P4HB: variants seen among roughly 807,000 people sequenced by gnomAD.
The protein encoded by P4HB is prolyl 4-hydroxylase subunit beta.
A neutral mutation model predicts 52.6 loss-of-function variants in P4HB; 20 were observed. That is an observed-to-expected ratio of 0.38 (90% CI 0.27 to 0.55). P4HB has a LOEUF of 0.55. P4HB is among the 20% of genes least tolerant of loss of function. P4HB has a pLI of 0.74. For synonymous variants in P4HB, 296 were observed against 277.9 expected (o/e 1.07, Z -0.65); for missense variants, 601 against 669.2 (o/e 0.90, Z 1.12).
rs200788317 is a variant in P4HB at position 81,846,621 on chromosome 17, G to A, written c.864C>T (p.Phe288=). ...AAESFKGKIL[F]IFIDSDHTDN... Reference sequence around the variant, plus strand: ...CGGTGTGGTCGCTGTCGATGAAGATGAACAGGATCTGGGGGAGAAAAGGAG... The same window carrying A: ...CGGTGTGGTCGCTGTCGATGAAGATAAACAGGATCTGGGGGAGAAAAGGAG... Residue 288 remains phenylalanine (F), a synonymous_variant, in exon 7 of 11, where the codon TTC becomes TTT. Coordinates refer to ENST00000331483, the MANE Select transcript of P4HB (RefSeq NM_000918.4). The surrounding 1 kb of genome is among the most constrained non-coding windows in gnomAD (Gnocchi z 5.7). The A allele has an allele frequency of 1.2e-4, 201 of 1,613,658 alleles. No individual in the cohort carries two copies. Among genetic ancestry groups the A allele is most frequent in the Non-Finnish European group, 2.5e-5 (29 of 1,180,002 alleles).
intron 4 of P4HB, among the ~76,000 whole-genome samples, chr17:81,851,724 CAGG>C (rs780293465): frequency 3.9e-5 from 6 of 152,346 alleles, no homozygotes; most frequent in East Asian, 3.9e-4. Context: ...GCCAAGAAGC[CAGG>C]AGGAGACACT....
intron 4 of P4HB, among the ~76,000 whole-genome samples, chr17:81,850,269 AT>A (rs1457118731): frequency 6.6e-6 from 1 of 151,596 alleles, no homozygotes. Flanking sequence ...AGTAGCTGGG[AT>A]TACAGGTACG....
At chr17:81,847,551 G>A (rs917172261) in intron 4 of P4HB, 17 of 592,758 alleles carry the variant, frequency 2.9e-5, no homozygotes, top group Middle Eastern at 4.4e-4. Context: ...ATGGCTGCCC[G>A]TGAATTCAAC....
chr17:81,850,812 TAG>T (rs2038818823), intron 4 of P4HB, among the ~76,000 whole-genome samples: 1 of 152,084 alleles, frequency 6.6e-6, no homozygotes, highest in South Asian at 2.1e-4. Flanking sequence ...TTACTTTTTG[TAG>T]AGACAGTCTT....
chr17:81,846,225 A>AG lies in P4HB; in HGVS notation c.1056+203_1056+204insC. 1.4e-6 allele frequency: 1 copy of AG among 722,564 alleles called. No individual in the cohort carries two copies. The highest frequency in any genetic ancestry group is 2.7e-5 in the East Asian group (1 of 37,010). 44.8% of individuals were successfully genotyped at this position (722,564 alleles called of 1,614,324 possible). Reference sequence around the variant, plus strand: ...CGGCCAGGAGGTTTCCCTGAGGAGCATCTGGGCCAGCCGTGTGGACAAGAG... The same window carrying AG: ...CGGCCAGGAGGTTTCCCTGAGGAGCAGTCTGGGCCAGCCGTGTGGACAAGAG... On this transcript the variant is annotated intron_variant, in intron 7 of 10. Coordinates refer to ENST00000331483, the MANE Select transcript of P4HB (RefSeq NM_000918.4). The surrounding 1 kb of genome is among the most constrained non-coding windows in gnomAD (Gnocchi z 5.7).
rs1478727523 is a variant in P4HB, at chr17:81,845,492, C to T, written c.1359+69G>A. 2.8e-6 allele frequency: 4 copies of T among 1,446,330 alleles called. No homozygotes were observed. In the South Asian group the frequency reaches 5.4e-5, roughly 20 times the overall value. 89.6% of individuals were successfully genotyped at this position (1,446,330 alleles called of 1,614,324 possible). ...GCCCCAGGCTCCTTCCAGAGAGGCA[C>T]CCAGGCTGGCGTGGGGACCACTGCT... On this transcript the variant is annotated intron_variant, in intron 9 of 10. Transcript: ENST00000331483.
In P4HB at chr17:81,845,565, C is replaced by T. The variant is rs138319633; in HGVS notation, c.1355G>A (p.Arg452Lys). 18 of 1,598,736 alleles carry T rather than the reference C, an allele frequency of 1.1e-5. No individual in the cohort carries two copies. The Admixed American group carries it at 3.0e-4, about 27-fold the overall frequency. The change falls in exon 9 of 11, where the codon AGG becomes AAG. Residue 452 changes from arginine (R) to lysine (K), a missense_variant. Coordinates refer to ENST00000331483, the MANE Select transcript of P4HB (RefSeq NM_000918.4). ...TLKFFPASADRTVIDYNGERT... is the reference protein window; with the variant it reads ...TLKFFPASADKTVIDYNGERT... ...CCGTCTGGAGGGAAGGCGCACCGTC[C>T]TGTCGGCACTGGCAGGAAAGAACTT...
Position 81,847,089 on chromosome 17 carries a change from A to C in P4HB, c.730-17T>G, listed in dbSNP as rs989329690. 4 of 1,613,806 alleles carry C rather than the reference A, an allele frequency of 2.5e-6. No homozygotes were observed. The highest frequency in any genetic ancestry group is 2.7e-5 in the African/African-American group (2 of 74,948). On this transcript the variant is annotated splice_polypyrimidine_tract_variant and intron_variant, in intron 5 of 10. Coordinates refer to ENST00000331483, the MANE Select transcript of P4HB (RefSeq NM_000918.4). ...CGGGGCTGTCTGTGTTATAAACTTA[A>C]GTTACTGGGTCTGAGTCACACACTA...
intron 2 of P4HB, among the ~76,000 whole-genome samples, chr17:81,858,225 T>TCGCA (rs1490646659): frequency 9.0e-6 from 1 of 111,694 alleles, no homozygotes; most frequent in East Asian, 2.5e-4. Context: ...TGAGCAGAGA[T>TCGCA]CGCACCACTG....
chr17:81,855,208 G>C lies in P4HB; in HGVS notation c.558C>G (p.Ile186Met). Residue 186 changes from isoleucine (I) to methionine (M), a missense_variant, in exon 4 of 11, where the codon ATC becomes ATG. Physicochemically the swap from Ile to Met is conservative, Grantham distance 10 (BLOSUM62 1). Coordinates refer to ENST00000331483, the MANE Select transcript of P4HB (RefSeq NM_000918.4). This position sits in a 1 kb window ranked among gnomAD's most constrained non-coding sequence, Gnocchi z 4.3. ...AEAIDDIPFG[I>M]TSNSDVFSKY... ...TGGAGAACACGTCACTGTTGGAAGTGATCCCAAATGGTATGTCATCGATGG... is the reference window on the plus strand; with the variant it reads ...TGGAGAACACGTCACTGTTGGAAGTCATCCCAAATGGTATGTCATCGATGG... 2 of 1,613,948 alleles carry C rather than the reference G, an allele frequency of 1.2e-6. No homozygotes were observed. Among genetic ancestry groups the C allele is most frequent in the Non-Finnish European group, 1.7e-6 (2 of 1,179,856 alleles).
At chr17:81,853,310 C>T (rs1211840901) in intron 4 of P4HB, among the ~76,000 whole-genome samples, 5 of 152,174 alleles carry the variant, frequency 3.3e-5, no homozygotes, top group Non-Finnish European at 7.4e-5. Flanking sequence ...CGGTGGCTCA[C>T]ACCTGTAATC....
In P4HB at chr17:81,859,434, C is replaced by T. The variant is rs773279543; in HGVS notation, c.146-47G>A. On this transcript the variant is annotated intron_variant, in intron 1 of 10. Coordinates refer to ENST00000331483, the MANE Select transcript of P4HB (RefSeq NM_000918.4). ...TAGAAAGCAGCCTTGATCCCTAAAG[C>T]AGCCTTGATCCCTCAGCAGTGCTTC... is the stretch of plus-strand genomic sequence containing the variant. 3 of 1,520,636 alleles carry T rather than the reference C, an allele frequency of 2.0e-6. No homozygotes were observed. In the East Asian group the frequency reaches 6.8e-5, roughly 34 times the overall value. 94.2% of individuals were successfully genotyped at this position (1,520,636 alleles called of 1,614,324 possible).
At position 81,845,987 on chromosome 17, in the gene P4HB, T is replaced by C. The variant is rs2038729708; in HGVS notation, c.1061A>G (p.His354Arg). ...HRFLEGKIKP[H>R]LMSQELPEDW... Reference sequence around the variant, plus strand: ...CTCCGGCAGCTCCTGGCTCATCAGGTGGGGCTGGAGGGCAGGCAGGGCACG... The same window carrying C: ...CTCCGGCAGCTCCTGGCTCATCAGGCGGGGCTGGAGGGCAGGCAGGGCACG... Residue 354 changes from histidine (H) to arginine (R), a missense_variant, in exon 8 of 11, where the codon CAC becomes CGC. Coordinates refer to ENST00000331483, the MANE Select transcript of P4HB (RefSeq NM_000918.4). 6.2e-7 allele frequency: 1 copy of C among 1,608,504 alleles called. No individual in the cohort carries two copies. The highest frequency in any genetic ancestry group is 1.3e-5 in the African/African-American group (1 of 74,776).
In P4HB at chr17:81,859,365, G is replaced by A; in HGVS notation, c.168C>T (p.Cys56=). ...VEFYAPWCGH[C]KALAPEYAKA... ...TGGCATACTCAGGGGCCAGAGCCTT[G>A]CAGTGGCCACACCAAGGGGCATCTG... The change falls in exon 2 of 11, where the codon TGC becomes TGT. Residue 56 remains cysteine (C), a synonymous_variant. Transcript: ENST00000331483. The A allele has an allele frequency of 2.5e-6, 4 of 1,613,736 alleles. No homozygotes were observed. Among genetic ancestry groups the A allele is most frequent in the Non-Finnish European group, 3.4e-6 (4 of 1,179,984 alleles).
Position 81,860,344 on chromosome 17 carries a change from T to C in P4HB, c.128A>G (p.Tyr43Cys). The C allele has an allele frequency of 1.4e-6, 2 of 1,472,110 alleles. No homozygotes were observed. Among genetic ancestry groups the C allele is most frequent in the Non-Finnish European group, 1.8e-6 (2 of 1,110,730 alleles). The allele number at this position is 1,472,110 out of a possible 1,614,324, so 91.2% of individuals were successfully genotyped here. The change falls in exon 1 of 11, where the codon TAC (tyrosine) becomes TGC (cysteine). Residue 43 changes from tyrosine to cysteine, a missense_variant. Transcript: ENST00000331483. The stretch of plus-strand genomic sequence containing the variant: ...GCGCTCACAGAACTCCACCAGCAGG[T>C]ACTTGTGGGCCGCCAGCGCCTCCGC... ...NFAEALAAHK[Y>C]LLVEFYAPWC...
chr17:81,848,279 A>T (rs968227162), intron 4 of P4HB, among the ~76,000 whole-genome samples: 2 of 152,186 alleles, frequency 1.3e-5, no homozygotes, highest in African/African-American at 4.8e-5. Context: ...GCACAGACCC[A>T]CAGAGGCTGC....
chr17:81,847,706 C>T (rs962677007), intron 4 of P4HB: 8 of 272,164 alleles, frequency 2.9e-5, no homozygotes, highest in Non-Finnish European at 5.9e-5. Context: ...TTGAGACAGT[C>T]TCGCTCTGTT....
At chr17:81,849,826 A>ATTTT (rs200601683) in intron 4 of P4HB, among the ~76,000 whole-genome samples, 2 of 151,224 alleles carry the variant, frequency 1.3e-5, no homozygotes, top group South Asian at 2.1e-4. Flanking sequence ...TTTAAAATTT[A>ATTTT]TTTATTTTTT....
At chr17:81,854,343 C>T (rs1414398911) in intron 4 of P4HB, among the ~76,000 whole-genome samples, 2 of 151,118 alleles carry the variant, frequency 1.3e-5, no homozygotes, top group Non-Finnish European at 2.9e-5. Flanking sequence ...AGTTCAAGAC[C>T]AGCCTGGACA....
Sources: gnomAD v4.1 joint callset for allele counts (sites outside exome capture counted in the v4.1 genomes callset) on GRCh38, gnomAD v4.1.1 for gene constraint, Gnocchi (gnomAD v3.1) non-coding constraint, MANE v1.5 for transcripts, NCBI Gene and HGNC (gene_info 2026-07-23, HGNC 2026-07-21) for gene names.